POLR1D: variants seen among roughly 807,000 people sequenced by gnomAD.
The protein encoded by POLR1D is DNA-directed RNA polymerases I and III subunit RPAC2.
POLR1D carries 8 observed loss-of-function variants against 10.8 expected under a neutral mutation model. That is an observed-to-expected ratio of 0.74 (90% CI 0.43 to 1.33). POLR1D has a LOEUF of 1.33. Ranked by LOEUF, POLR1D falls within the 40% of genes most tolerant of loss-of-function variation. POLR1D has a pLI of 0.01. For synonymous variants in POLR1D, 54 were observed against 57.2 expected (o/e 0.94, Z 0.25); for missense variants, 152 against 161.7 (o/e 0.94, Z 0.32).
chr13:27,623,257 A>T lies in POLR1D; in HGVS notation c.*7A>T. The T allele has an allele frequency of 1.9e-6, 3 of 1,613,502 alleles. No homozygotes were observed. The highest frequency in any genetic ancestry group is 2.2e-5 in the East Asian group (1 of 44,882). On this transcript the variant is annotated 3_prime_UTR_variant, in exon 2 of 2. Transcript: ENST00000302979. The stretch of plus-strand genomic sequence containing the variant: ...AAATGAATCCACATTCTAGTCCTTT[A>T]TGCAGTATACAAGGAGAACTGTCCT...
At chr13:27,629,444 G>A (rs888121775) in intron 1 of POLR1D, among the ~76,000 whole-genome samples, 9 of 152,178 alleles carry the variant, frequency 5.9e-5, no homozygotes, top group African/African-American at 2.2e-4. Context: ...CTCAATCAAT[G>A]TTAGCTATTA....
At chr13:27,658,656 AAG>A (rs1313221180) in intron 2 of POLR1D, among the ~76,000 whole-genome samples, 1 of 152,224 alleles carries the variant, frequency 6.6e-6, no homozygotes, top group Non-Finnish European at 1.5e-5. Flanking sequence ...TTTATAAAGA[AAG>A]AGACCATTTG....
chr13:27,647,721 T>C (rs1956233051), intron 1 of POLR1D, among the ~76,000 whole-genome samples: 2 of 152,212 alleles, frequency 1.3e-5, no homozygotes, highest in African/African-American at 4.8e-5. Context: ...AACCAATCCT[T>C]TATCAGTAAA....
rs2232682 is a variant in POLR1D, at chr13:27,622,067, G to T, written c.26+58G>T. On this transcript the variant is annotated intron_variant, in intron 1 of 1. Coordinates refer to ENST00000302979, the MANE Select transcript of POLR1D (RefSeq NM_015972.4). ...CCGCGCCCAAGGGGAGCGGGTGGCC[G>T]AGGGGCACGCTGCCTGGCCTGGCAG... 6,493 of 1,480,350 alleles carry T rather than the reference G, an allele frequency of 4.4e-3. 248 individuals are homozygous for T. The African/African-American group carries it at 0.079, about 18-fold the overall frequency. 91.7% of individuals were successfully genotyped at this position (1,480,350 alleles called of 1,614,324 possible). A position where few individuals can be genotyped will look rare whatever the true frequency, so the allele number is the denominator to read the frequency against.
In POLR1D at chr13:27,629,900, CTTTATTTATTTA is replaced by C. The variant is rs201566325; in HGVS notation, c.26+7907_26+7918del. Among the ~76,000 whole-genome samples the C allele has an allele frequency of 5.3e-4, 80 of 151,976 alleles. 2 individuals are homozygous for C. The East Asian group carries it at 0.011, about 20-fold the overall frequency. On this transcript the variant is annotated intron_variant, in intron 1 of 2. Coordinates refer to the POLR1D transcript ENST00000399697. ...GATTGTAAAAACTGCATTAAAAAGA[CTTTATTTATTTA>C]TTTATTTATTTATTTTTGAGATGGA... is the stretch of plus-strand genomic sequence containing the variant.
At chr13:27,642,274 C>G (rs1319298616) in intron 1 of POLR1D, among the ~76,000 whole-genome samples, 1 of 152,146 alleles carries the variant, frequency 6.6e-6, no homozygotes, top group South Asian at 2.1e-4. Flanking sequence ...TCAATCCTGA[C>G]AGGAAATATT....
At chr13:27,623,920 A>G (rs2138520499), downstream of POLR1D, among the ~76,000 whole-genome samples, 1 of 152,262 alleles carries the variant, frequency 6.6e-6, no homozygotes, top group Non-Finnish European at 1.5e-5. Flanking sequence ...AAGTAAGGTA[A>G]GATGTTTTGA....
At chr13:27,660,893 C>G (rs1172938020) in intron 2 of POLR1D, 1 of 152,160 alleles carries the variant, frequency 6.6e-6, no homozygotes, top group Non-Finnish European at 1.5e-5. Flanking sequence ...AATGAGGCAA[C>G]ATTGGTAATG....
At chr13:27,640,689 C>G (rs956568750) in intron 1 of POLR1D, among the ~76,000 whole-genome samples, 7 of 151,774 alleles carry the variant, frequency 4.6e-5, no homozygotes, top group Admixed American at 2.6e-4. Context: ...GTGGAACATA[C>G]AAGAAATTTG....
rs1250071238 is a variant in POLR1D, at chr13:27,623,250, G to T, written c.402G>T (p.Ter134TyrextTer12). The T allele has an allele frequency of 6.2e-7, 1 of 1,613,668 alleles. No homozygotes were observed. The highest frequency in any genetic ancestry group is 1.7e-5 in the Admixed American group (1 of 60,018). Residue 134 changes from the stop codon to tyrosine (Y), a stop_lost, in exon 2 of 2, where the codon TAG becomes TAT. Coordinates refer to ENST00000302979, the MANE Select transcript of POLR1D (RefSeq NM_015972.4). ...CAAGCAGAAATGAATCCACATTCTA[G>T]TCCTTTATGCAGTATACAAGGAGAA... ...QKASRNESTF[*>Y] is the part of the protein sequence containing the mutation.
downstream of POLR1D, among the ~76,000 whole-genome samples, chr13:27,628,203 AG>A (rs1956036879): frequency 6.6e-6 from 1 of 152,232 alleles, no homozygotes; most frequent in Admixed American, 6.5e-5. Context: ...AGAGGCGATC[AG>A]GGCAGTGAAC....
chr13:27,621,313 C>T (rs1955913141), upstream of POLR1D: 1 of 152,384 alleles, frequency 6.6e-6, no homozygotes, highest in East Asian at 1.9e-4. Context: ...AGAGACATTT[C>T]TTTCTTGCCC....
Position 27,622,842 on chromosome 13 carries a change from A to G in POLR1D, c.27-33A>G, listed in dbSNP as rs1955962335. On this transcript the variant is annotated intron_variant, in intron 1 of 1. Coordinates refer to ENST00000302979, the MANE Select transcript of POLR1D (RefSeq NM_015972.4). ...AGCTAGTTACAAAACAATATTCAGT[A>G]TGATCTCATTTTTATAAAAAATATG... The G allele has an allele frequency of 2.8e-6, 4 of 1,412,552 alleles. No homozygotes were observed. The South Asian group carries it at 4.7e-5, about 16-fold the overall frequency. The allele number at this position is 1,412,552 out of a possible 1,614,324, so 87.5% of individuals were successfully genotyped here.
chr13:27,627,119 C>T (rs1956018763), downstream of POLR1D, among the ~76,000 whole-genome samples: 1 of 152,202 alleles, frequency 6.6e-6, no homozygotes, highest in African/African-American at 2.4e-5. Context: ...TTTGTAACAA[C>T]CTTTAAACTG....
At position 27,665,885 on chromosome 13, in the gene POLR1D, G is replaced by T. The variant is rs773380196; in HGVS notation, c.301G>T (p.Ala101Ser). The T allele has an allele frequency of 3.1e-6, 5 of 1,613,956 alleles. No homozygotes were observed. The African/African-American group carries it at 4.0e-5, about 13-fold the overall frequency. Residue 101 changes from alanine to serine, a missense_variant, in exon 3 of 3, where the codon GCC (alanine) becomes TCC (serine). Physicochemically the swap from Ala to Ser is moderately conservative, Grantham distance 99. Transcript: ENST00000399697. The stretch of plus-strand genomic sequence containing the variant: ...GCACAGCTTCCGCGCTCGAGGTTCC[G>T]CCAGTTACTCCCCGCCACGAAAGCG...
At chr13:27,667,067 A>T (rs1264958640) in exon 3 of POLR1D, 2 of 152,214 alleles carry the variant, frequency 1.3e-5, no homozygotes, top group East Asian at 3.9e-4. Flanking sequence ...CCAAAAAGTT[A>T]GCATTGGAGT....
intron 2 of POLR1D, among the ~76,000 whole-genome samples, chr13:27,656,162 C>A (rs985937491): frequency 6.6e-6 from 1 of 152,092 alleles, no homozygotes; most frequent in Non-Finnish European, 1.5e-5. Flanking sequence ...CAGATTCAAC[C>A]ATGTCATAAT....
chr13:27,626,976 C>T (rs942922087), downstream of POLR1D, among the ~76,000 whole-genome samples: 1 of 152,154 alleles, frequency 6.6e-6, no homozygotes. Context: ...GATAGGAAAG[C>T]ATATCAAGTT....
chr13:27,642,357 T>G (rs1956182308), intron 1 of POLR1D, among the ~76,000 whole-genome samples: 1 of 152,174 alleles, frequency 6.6e-6, no homozygotes, highest in South Asian at 2.1e-4. Context: ...TTGATGACAC[T>G]AAGGATACGT....
Sources: allele counts gnomAD v4.1 joint callset (sites outside exome capture counted in the v4.1 genomes callset), GRCh38; gene constraint gnomAD v4.1.1; transcripts MANE v1.5; gene names NCBI Gene and HGNC (gene_info 2026-07-23, HGNC 2026-07-21).